SLC36A3: variants seen among roughly 807,000 people sequenced by gnomAD.
SLC36A3 encodes the protein solute carrier family 36 member 3.
In SLC36A3, 35 loss-of-function variants were observed where a neutral mutation model predicts 44.3. The observed-to-expected ratio is 0.79, with a 90% CI of 0.60 to 1.05. SLC36A3 has a LOEUF of 1.05. Among genes scored for constraint, SLC36A3 ranks in the 50% least tolerant of loss-of-function variants. SLC36A3 has a pLI of 0.00. For missense variants in SLC36A3, 540 were observed against 578.7 expected (o/e 0.93, Z 0.69); for synonymous variants, 211 against 227.6 (o/e 0.93, Z 0.66).
chr5:151,296,100 T>C, intron 3 of SLC36A3, 80 bp downstream of exon 3: 2 of 1,348,928 alleles, frequency 1.5e-6, no homozygotes, highest in Non-Finnish European at 2.1e-6. Flanking sequence ...GCCGAATTAA[T>C]TGGGTCAGTG....
At chr5:151,295,480 G>T (rs914347909) in intron 3 of SLC36A3, among the ~76,000 whole-genome samples, 1 of 152,192 alleles carries the variant, frequency 6.6e-6, no homozygotes, top group Admixed American at 6.5e-5. Context: ...ACCTATTTGG[G>T]TTATGATAAT....
In SLC36A3 at chr5:151,303,085, T is replaced by C. The variant is rs917728391; in HGVS notation, c.128+142A>G. ...GCCACAGGGATTGACCTCCTTAGATTCTGAAGGTTTCATCTTTTATCCACG... is the reference window on the plus strand; with the variant it reads ...GCCACAGGGATTGACCTCCTTAGATCCTGAAGGTTTCATCTTTTATCCACG... On this transcript the variant is annotated intron_variant, in intron 1 of 9. Transcript: ENST00000335230. The C allele has an allele frequency of 2.7e-6, 3 of 1,131,410 alleles. No individual in the cohort carries two copies. In the African/African-American group the frequency reaches 4.7e-5, roughly 18 times the overall value. 70.1% of individuals were successfully genotyped at this position (1,131,410 alleles called of 1,614,324 possible). A position where few individuals can be genotyped will look rare whatever the true frequency, so the allele number is the denominator to read the frequency against.
In SLC36A3 at chr5:151,288,484, G is replaced by A. The variant is rs2127262203; in HGVS notation, c.405-14C>T. 1.3e-6 allele frequency: 2 copies of A among 1,519,120 alleles called. No homozygotes were observed. Among genetic ancestry groups the A allele is most frequent in the South Asian group, 2.7e-5 (2 of 74,688 alleles). 94.1% of individuals were successfully genotyped at this position (1,519,120 alleles called of 1,614,324 possible). On this transcript the variant is annotated splice_polypyrimidine_tract_variant and intron_variant, in intron 4 of 9. Coordinates refer to ENST00000335230, the MANE Select transcript of SLC36A3 (RefSeq NM_181774.4). ...CTGACAGTGTACCTGGGAAGGAAAG[G>A]AAGAGGCAGACAGAGGGAGGAAACA...
chr5:151,291,069 A>C (rs1426422523), intron 4 of SLC36A3, among the ~76,000 whole-genome samples: 3 of 151,638 alleles, frequency 2.0e-5, no homozygotes, highest in African/African-American at 7.3e-5. Flanking sequence ...TGCAGCCTCA[A>C]CCTCCTGGGC....
chr5:151,291,854 T>TTTTGTTTG (rs778228841), intron 4 of SLC36A3, among the ~76,000 whole-genome samples: 1 of 152,076 alleles, frequency 6.6e-6, no homozygotes, highest in Non-Finnish European at 1.5e-5. Context: ...AATGGGCAGC[T>TTTTGTTTG]TTTGTTTGTT....
chr5:151,283,206 T>C (rs1436540294), intron 8 of SLC36A3, among the ~76,000 whole-genome samples: 1 of 152,206 alleles, frequency 6.6e-6, no homozygotes, highest in African/African-American at 2.4e-5. Flanking sequence ...TTTCTGAGCA[T>C]CTCTTTATCT....
At chr5:151,280,405 G>T (rs1434323311) in intron 9 of SLC36A3, among the ~76,000 whole-genome samples, 2 of 152,178 alleles carry the variant, frequency 1.3e-5, no homozygotes, top group African/African-American at 4.8e-5. Flanking sequence ...AGTGAGCCGA[G>T]ATAGCACCAC....
At chr5:151,289,586 C>T (rs1412845800) in intron 4 of SLC36A3, among the ~76,000 whole-genome samples, 1 of 152,016 alleles carries the variant, frequency 6.6e-6, no homozygotes, top group African/African-American at 2.4e-5. Flanking sequence ...TAGAGCTACA[C>T]ACTGAATTAT....
chr5:151,297,903 GTGAGCCAAGAT>G (rs1580824949), intron 2 of SLC36A3: 1 of 152,408 alleles, frequency 6.6e-6, no homozygotes, highest in Admixed American at 6.5e-5. Context: ...GGAGGTTGCA[GTGAGCCAAGAT>G]TGTGCCACTG....
chr5:151,299,975 A>G (rs1755115669), intron 1 of SLC36A3, among the ~76,000 whole-genome samples: 1 of 152,218 alleles, frequency 6.6e-6, no homozygotes, highest in Admixed American at 6.5e-5. Flanking sequence ...TAGAAAGCGC[A>G]TCCTTCAAGA....
Position 151,287,312 on chromosome 5 carries a change from G to C in SLC36A3, c.642C>G (p.Val214=). The stretch of plus-strand genomic sequence containing the variant: ...TGGTGATGTTGGCCAATGTCGAGAA[G>C]ACGGACAGCACCTTGAGGTTCTGGA... ...VFIQNLKVLS[V]FSTLANITTL... is the part of the protein sequence containing the mutation. The change falls in exon 6 of 10, where the codon GTC becomes GTG. Residue 214 remains valine (V), a synonymous_variant. Coordinates refer to ENST00000335230, the MANE Select transcript of SLC36A3 (RefSeq NM_181774.4). 6.2e-7 allele frequency: 1 copy of C among 1,614,168 alleles called. No homozygotes were observed. Among genetic ancestry groups the C allele is most frequent in the Non-Finnish European group, 8.5e-7 (1 of 1,180,040 alleles).
At chr5:151,300,330 A>G (rs1422292) in intron 1 of SLC36A3, among the ~76,000 whole-genome samples, 59,969 of 152,084 alleles carry the variant, frequency 0.39, 12,413 homozygotes, top group African/African-American at 0.49. Context: ...GAGAGAACAG[A>G]TGAACTGTTG....
chr5:151,277,317 G>A lies in SLC36A3; in HGVS notation c.*76C>T. 1 of 1,541,464 alleles carries A rather than the reference G, an allele frequency of 6.5e-7. No individual in the cohort carries two copies. The highest frequency in any genetic ancestry group is 1.8e-5 in the Admixed American group (1 of 54,962). On this transcript the variant is annotated 3_prime_UTR_variant, in exon 10 of 10. Transcript: ENST00000335230. ...TAATATAGAGATGTTGGGATTTGAT[G>A]AAGGTATATAACATCCACATGGAAG...
chr5:151,299,680 A>T (rs1168852327), intron 1 of SLC36A3, among the ~76,000 whole-genome samples: 1 of 152,188 alleles, frequency 6.6e-6, no homozygotes, highest in African/African-American at 2.4e-5. Flanking sequence ...AGATGGGAGC[A>T]CTTAATTCTG....
At position 151,303,379 on chromosome 5, in the gene SLC36A3, GAGGCTCAGGGTTA is replaced by G; in HGVS notation, c.-38_-26del. The G allele has an allele frequency of 6.2e-7, 1 of 1,608,038 alleles. No homozygotes were observed. Among genetic ancestry groups the G allele is most frequent in the Non-Finnish European group, 8.5e-7 (1 of 1,176,020 alleles). ...TCTTCAACACGGTGGGTAGGTGGCA[GAGGCTCAGGGTTA>G]AGGCTCTGAATGAGCCTCTGATGGG... On this transcript the variant is annotated 5_prime_UTR_variant, in exon 1 of 10. An upstream open reading frame in the 5' UTR loses its in-frame stop. Coordinates refer to ENST00000335230, the MANE Select transcript of SLC36A3 (RefSeq NM_181774.4).
chr5:151,300,419 G>A (rs185752407), intron 1 of SLC36A3, among the ~76,000 whole-genome samples: 1 of 151,394 alleles, frequency 6.6e-6, no homozygotes, highest in African/African-American at 2.5e-5. Flanking sequence ...ACCTAAGGAT[G>A]GGGGGGTGGG....
intron 4 of SLC36A3, among the ~76,000 whole-genome samples, chr5:151,293,115 C>A (rs1271909422): frequency 1.3e-5 from 2 of 152,150 alleles, no homozygotes; most frequent in African/African-American, 4.8e-5. Flanking sequence ...AAATTATGTA[C>A]TTCCATTCAC....
chr5:151,277,515 TG>T lies in SLC36A3; in HGVS notation c.1290del (p.Lys431ArgfsTer4). 1 of 1,614,216 alleles carries T rather than the reference TG, an allele frequency of 6.2e-7. No homozygotes were observed. Among genetic ancestry groups the T allele is most frequent in the Non-Finnish European group, 8.5e-7 (1 of 1,180,040 alleles). On this transcript the variant is annotated frameshift_variant, in exon 10 of 10. Coordinates refer to ENST00000335230, the MANE Select transcript of SLC36A3 (RefSeq NM_181774.4). LOFTEE classifies it low-confidence loss of function (END_TRUNC). The part of the protein sequence containing the change: ...YSEDMSCVTI[A>X]KDIMISIVGL... ...CCCACGATGCTAATCATGATGTCCTTGGCAATGGTGACACAGCTCATGTCCT... is the reference window on the plus strand; with the variant it reads ...CCCACGATGCTAATCATGATGTCCTTGCAATGGTGACACAGCTCATGTCCT...
intron 2 of SLC36A3, 190 bp downstream of exon 2, chr5:151,298,403 G>T (rs937603029): frequency 8.5e-6 from 5 of 588,012 alleles, no homozygotes; most frequent in South Asian, 2.0e-5. Flanking sequence ...TAAGAGTAAT[G>T]GTGTGCCCCC....
Sources: gnomAD v4.1 joint callset for allele counts (sites outside exome capture counted in the v4.1 genomes callset) on GRCh38, gnomAD v4.1.1 for gene constraint, MANE v1.5 for transcripts, NCBI Gene and HGNC (gene_info 2026-07-23, HGNC 2026-07-21) for gene names.